SYTL5: variants seen among roughly 807,000 people sequenced by gnomAD.
SYTL5 encodes synaptotagmin like 5, also known as synaptotagmin-like protein 5.
SYTL5 carries 34 observed loss-of-function variants against 55.9 expected under a neutral mutation model. That is an observed-to-expected ratio of 0.61 (90% CI 0.46 to 0.81). SYTL5 has a LOEUF of 0.81. SYTL5 is among the 30% of genes least tolerant of loss of function. The pLI is 0.00. For missense variants in SYTL5, 637 were observed against 546.7 expected (o/e 1.17, Z -1.65); for synonymous variants, 221 against 188.7 (o/e 1.17, Z -1.40).
intron 3 of SYTL5, among the ~76,000 whole-genome samples, chrX:38,068,855 C>T (rs1005119576): frequency 9.0e-6 from 1 of 110,938 alleles, no homozygotes; most frequent in African/African-American, 3.3e-5. Flanking sequence ...ATACCCCAAC[C>T]CTCAGCCTCA....
the SYTL5 span, among the ~76,000 whole-genome samples, chrX:37,902,948 A>T: frequency 8.9e-6 from 1 of 112,358 alleles, no homozygotes; most frequent in Non-Finnish European, 1.9e-5. Context: ...CACACGAAAA[A>T]ATGCTCACCA....
At chrX:38,045,826 T>G (rs1397856633) in intron 2 of SYTL5, among the ~76,000 whole-genome samples, 1 of 112,109 alleles carries the variant, frequency 8.9e-6, no homozygotes. Flanking sequence ...AGAGTCATGC[T>G]TGTTGAAGAA....
At chrX:38,016,272 A>C (rs1177629986) in intron 1 of SYTL5, among the ~76,000 whole-genome samples, 4 of 112,101 alleles carry the variant, frequency 3.6e-5, no homozygotes, top group Non-Finnish European at 7.5e-5. Context: ...AAAGTCTAAA[A>C]TATTTACTAA....
the SYTL5 span, among the ~76,000 whole-genome samples, chrX:37,942,715 T>C: frequency 2.5e-3 from 282 of 111,693 alleles, 1 homozygote; most frequent in African/African-American, 8.7e-3. Context: ...GTGTGGCCGA[T>C]TTCTAAATCT....
the SYTL5 span, among the ~76,000 whole-genome samples, chrX:37,972,474 G>A: frequency 9.0e-6 from 1 of 111,353 alleles, no homozygotes; most frequent in South Asian, 3.9e-4. Context: ...GGCTTCAATG[G>A]ACCCCTGCTG....
the SYTL5 span, among the ~76,000 whole-genome samples, chrX:37,991,909 A>T: frequency 2.7e-5 from 3 of 112,406 alleles, no homozygotes; most frequent in Non-Finnish European, 5.6e-5. Context: ...TGCTGTGAAT[A>T]TATCTTTTTG....
At chrX:38,046,106 T>C (rs1405975513) in intron 2 of SYTL5, among the ~76,000 whole-genome samples, 1 of 111,705 alleles carries the variant, frequency 9.0e-6, no homozygotes, top group Non-Finnish European at 1.9e-5. Context: ...GATTTTGGAA[T>C]GTAAAATTCA....
chrX:38,045,975 A>G (rs1322341414), intron 2 of SYTL5, among the ~76,000 whole-genome samples: 1 of 111,915 alleles, frequency 8.9e-6, no homozygotes, highest in Non-Finnish European at 1.9e-5. Context: ...TGTGCTCAGC[A>G]TGGCTTTGCA....
At chrX:38,022,195 C>T (rs1206963148) in intron 1 of SYTL5, among the ~76,000 whole-genome samples, 2 of 111,671 alleles carry the variant, frequency 1.8e-5, no homozygotes, top group African/African-American at 6.5e-5. Flanking sequence ...GTTTACAGAC[C>T]TGCACTGGTT....
chrX:37,904,302 G>C, the SYTL5 span, among the ~76,000 whole-genome samples: 10 of 106,026 alleles, frequency 9.4e-5, no homozygotes, highest in African/African-American at 3.5e-4. Flanking sequence ...GGTAGGGTTC[G>C]AGGAAAGGCA....
the SYTL5 span, among the ~76,000 whole-genome samples, chrX:37,900,773 A>G: frequency 1.8e-5 from 2 of 110,835 alleles, no homozygotes; most frequent in African/African-American, 6.6e-5. Flanking sequence ...CTCTGAAACA[A>G]TTACCATGGC....
chrX:38,006,809 T>TA (rs1009021719), intron 1 of SYTL5, 141 bp downstream of exon 1: 16 of 111,112 alleles, frequency 1.4e-4, no homozygotes, highest in African/African-American at 4.2e-4. Context: ...TATTTTACAG[T>TA]AAAAAAGGGA....
chrX:38,078,196 T>C (rs1356579352), intron 6 of SYTL5, among the ~76,000 whole-genome samples: 1 of 111,533 alleles, frequency 9.0e-6, no homozygotes, highest in Admixed American at 9.5e-5. Context: ...GGCTAACACT[T>C]AAGGCTAGCA....
At chrX:37,930,568 G>T in the SYTL5 span, among the ~76,000 whole-genome samples, 1 of 111,637 alleles carries the variant, frequency 9.0e-6, no homozygotes, top group African/African-American at 3.3e-5. Context: ...TGAAACTGCC[G>T]TACCAATCTG....
chrX:37,964,555 T>C, the SYTL5 span, among the ~76,000 whole-genome samples: 6 of 111,517 alleles, frequency 5.4e-5, no homozygotes, highest in Admixed American at 9.6e-5. Flanking sequence ...TGTAATTTTC[T>C]TTCCTTTAGG....
chrX:37,930,829 A>G, the SYTL5 span, among the ~76,000 whole-genome samples: 2 of 112,175 alleles, frequency 1.8e-5, no homozygotes, highest in Admixed American at 9.4e-5. Flanking sequence ...ATGCAACTCA[A>G]ATTTCCTCCA....
the SYTL5 span, among the ~76,000 whole-genome samples, chrX:37,997,171 G>A: frequency 2.9e-4 from 33 of 112,598 alleles, no homozygotes; most frequent in African/African-American, 1.1e-3. Flanking sequence ...GGCCCATCTG[G>A]GGTGGCCGTT....
At chrX:37,983,686 GTTTA>G in the SYTL5 span, among the ~76,000 whole-genome samples, 1 of 112,202 alleles carries the variant, frequency 8.9e-6, no homozygotes, top group Admixed American at 9.4e-5. Flanking sequence ...AAAGTAGGAT[GTTTA>G]TTTTTCTCAA....
chrX:38,062,149 T>C (rs1030939096), intron 3 of SYTL5, among the ~76,000 whole-genome samples: 10 of 110,465 alleles, frequency 9.1e-5, no homozygotes, highest in African/African-American at 3.3e-4. Flanking sequence ...GTTGTATTTT[T>C]AGTAGAGATG....
Sources: allele counts gnomAD v4.1 joint callset (sites outside exome capture counted in the v4.1 genomes callset), GRCh38; gene constraint gnomAD v4.1.1; transcripts MANE v1.5; gene names NCBI Gene and HGNC (gene_info 2026-07-23, HGNC 2026-07-21).